TYMS: variants seen among roughly 807,000 people sequenced by gnomAD.
TYMS encodes thymidylate synthase.
In TYMS, 21 loss-of-function variants were observed where a neutral mutation model predicts 39.3. The ratio of observed to expected loss-of-function variants is 0.54; its 90% confidence interval spans 0.38 to 0.77. The LOEUF is 0.77. Among genes scored for constraint, TYMS ranks in the 30% least tolerant of loss-of-function variants. The pLI, the probability that TYMS is intolerant of heterozygous loss-of-function variation, is 0.00. For missense variants in TYMS, 273 were observed against 406.7 expected (o/e 0.67, Z 2.83); for synonymous variants, 171 against 162.2 (o/e 1.05, Z -0.41).
In TYMS at chr18:657,686, G is replaced by A. The variant is rs1013476935; in HGVS notation, c.-57G>A. Reference sequence around the variant, plus strand: ...TGCCTCCGTCCCGCCGCGCCACTTGGCCTGCCTCCGTCCCGCCGCGCCACT... The same window carrying A: ...TGCCTCCGTCCCGCCGCGCCACTTGACCTGCCTCCGTCCCGCCGCGCCACT... On this transcript the variant is annotated 5_prime_UTR_variant, in exon 1 of 7. Transcript: ENST00000323274. 2 of 1,240,974 alleles carry A rather than the reference G, an allele frequency of 1.6e-6. No individual in the cohort carries two copies. The highest frequency in any genetic ancestry group is 2.1e-6 in the Non-Finnish European group (2 of 972,484). The allele number at this position is 1,240,974 out of a possible 1,614,324, so 76.9% of individuals were successfully genotyped here.
chr18:662,027 C>A, intron 2 of TYMS, 119 bp from the exon 3 acceptor site: 1 of 1,094,798 alleles, frequency 9.1e-7, no homozygotes, highest in Non-Finnish European at 1.3e-6. Context: ...GTGTCAAGTG[C>A]CCACCTCCTA....
chr18:670,923 C>A (rs919715363), intron 5 of TYMS, 56 bp downstream of exon 5: 46 of 1,572,700 alleles, frequency 2.9e-5, no homozygotes, highest in Non-Finnish European at 3.8e-5. Flanking sequence ...CTCTTCAGTT[C>A]TTTAATATGG....
Sources: gnomAD v4.1 joint callset for allele counts on GRCh38, gnomAD v4.1.1 for gene constraint, MANE v1.5 for transcripts, NCBI Gene and HGNC (gene_info 2026-07-23, HGNC 2026-07-21) for gene names.